The following SLC14A2 variants were observed in gnomAD, a reference collection of about 807,000 sequenced individuals.
The protein encoded by SLC14A2 is urea transporter 2.
A neutral mutation model predicts 104.6 loss-of-function variants in SLC14A2; 91 were observed. The ratio of observed to expected loss-of-function variants is 0.87; its 90% CI spans 0.73 to 1.04. The LOEUF (loss-of-function observed/expected upper bound fraction) is 1.04, where lower values mean the gene tolerates loss of function less well. SLC14A2 is among the 50% of genes least tolerant of loss of function. SLC14A2 has a pLI of 0.00. For missense variants in SLC14A2, 1,189 were observed against 1,156.0 expected (o/e 1.03, Z -0.41); for synonymous variants, 476 against 466.4 (o/e 1.02, Z -0.27).
In SLC14A2 at chr18:45,577,988, C is replaced by T. The variant is rs530690459; in HGVS notation, c.-34-46643C>T. Among the ~76,000 whole-genome samples the T allele has an allele frequency of 3.9e-5, 6 of 152,300 alleles. No homozygotes were observed. The East Asian group carries it at 7.7e-4, about 20-fold the overall frequency. On this transcript the variant is annotated intron_variant, in intron 2 of 20. Transcript: ENST00000586448. ...CATAGAGGCAGCTCACAATCCACTT[C>T]CATGGATAACTCACTCCATTCCAAG... is the stretch of plus-strand genomic sequence containing the variant.
At chr18:45,467,516 C>T (rs2087166512) in intron 1 of SLC14A2, among the ~76,000 whole-genome samples, 1 of 152,172 alleles carries the variant, frequency 6.6e-6, no homozygotes, top group African/African-American at 2.4e-5. Context: ...GGTCACGTGC[C>T]CATCTCTTCT....
At position 45,338,465 on chromosome 18, in the gene SLC14A2, T is replaced by A. The variant is rs151003490; in HGVS notation, c.-125+125274T>A. Among the ~76,000 whole-genome samples, 133 of 152,204 alleles carry A rather than the reference T, an allele frequency of 8.7e-4. 4 individuals are homozygous for A. The East Asian group carries it at 0.023, about 26-fold the overall frequency. ...ATCCGCCCGCCTCTGCCTCCCAAAGTGTTGGGATTACAGGTGTGAACCACT... is the reference window on the plus strand; with the variant it reads ...ATCCGCCCGCCTCTGCCTCCCAAAGAGTTGGGATTACAGGTGTGAACCACT... On this transcript the variant is annotated intron_variant, in intron 1 of 20. Transcript: ENST00000586448.
At chr18:45,444,129 T>C (rs1273851729) in intron 1 of SLC14A2, among the ~76,000 whole-genome samples, 1 of 152,230 alleles carries the variant, frequency 6.6e-6, no homozygotes, top group Admixed American at 6.5e-5. Context: ...CAGCAATGTA[T>C]CTGAAGGCAG....
intron 2 of SLC14A2, among the ~76,000 whole-genome samples, chr18:45,602,442 G>A (rs908346835): frequency 6.6e-6 from 1 of 152,172 alleles, no homozygotes; most frequent in Admixed American, 6.5e-5. Context: ...AAAGATTACA[G>A]AAAACTGAAA....
chr18:45,214,675 C>T (rs2083992095), intron 1 of SLC14A2, among the ~76,000 whole-genome samples: 1 of 152,076 alleles, frequency 6.6e-6, no homozygotes, highest in Non-Finnish European at 1.5e-5. Flanking sequence ...ACTCAGACAG[C>T]TCTCTCATAT....
upstream of SLC14A2, among the ~76,000 whole-genome samples, chr18:45,612,930 C>T (rs1441496368): frequency 6.6e-6 from 1 of 152,210 alleles, no homozygotes; most frequent in Non-Finnish European, 1.5e-5. Flanking sequence ...GTTTGCTTCC[C>T]CTTCTTCTGC....
chr18:45,433,367 C>T (rs908185888), intron 1 of SLC14A2, among the ~76,000 whole-genome samples: 2 of 152,182 alleles, frequency 1.3e-5, no homozygotes, highest in African/African-American at 4.8e-5. Context: ...TTGCCTACGT[C>T]CACTCTTCCC....
At chr18:45,240,781 C>A (rs2084307323) in intron 1 of SLC14A2, among the ~76,000 whole-genome samples, 1 of 151,898 alleles carries the variant, frequency 6.6e-6, no homozygotes, top group South Asian at 2.1e-4. Flanking sequence ...CCTCAGCCTG[C>A]CGAGTAGCTG....
intron 10 of SLC14A2, among the ~76,000 whole-genome samples, chr18:45,660,452 T>C (rs145445517): frequency 1.9e-4 from 29 of 152,356 alleles, no homozygotes; most frequent in Admixed American, 3.3e-4. Flanking sequence ...TTCACACATT[T>C]GAACACTGCA....
intron 2 of SLC14A2, among the ~76,000 whole-genome samples, chr18:45,520,257 T>C (rs1036806459): frequency 7.9e-5 from 12 of 152,216 alleles, no homozygotes; most frequent in Admixed American, 3.9e-4. Context: ...CATCATCAAA[T>C]AGATATTGAG....
At chr18:45,322,233 A>G (rs2085192392) in intron 1 of SLC14A2, among the ~76,000 whole-genome samples, 1 of 152,234 alleles carries the variant, frequency 6.6e-6, no homozygotes, top group South Asian at 2.1e-4. Context: ...AATAAATTAT[A>G]TAACTTAGTG....
intron 1 of SLC14A2, among the ~76,000 whole-genome samples, chr18:45,419,990 A>G (rs1372061953): frequency 2.6e-5 from 4 of 152,208 alleles, no homozygotes; most frequent in Admixed American, 6.5e-5. Context: ...ATGGCTTAAA[A>G]CAACAATAGT....
chr18:45,348,866 A>C (rs530725607), intron 1 of SLC14A2, among the ~76,000 whole-genome samples: 8 of 152,236 alleles, frequency 5.3e-5, no homozygotes, highest in Non-Finnish European at 1.2e-4. Context: ...TTTTCTTTGC[A>C]TGCAGACCAG....
Position 45,617,694 on chromosome 18 carries a change from G to A in SLC14A2, c.-35+2112G>A, listed in dbSNP as rs2045094967. Among the ~76,000 whole-genome samples, 4 of 152,198 alleles carry A rather than the reference G, an allele frequency of 2.6e-5. 1 individual carries two copies. The South Asian group carries it at 8.3e-4, about 32-fold the overall frequency. On this transcript the variant is annotated intron_variant, in intron 1 of 19. Transcript: ENST00000255226. ...CCTGATGTGTGATCCACCAGTCCAG[G>A]GGCCTCATCTGTCCCCATTCTGGCA...
intron 2 of SLC14A2, among the ~76,000 whole-genome samples, chr18:45,575,069 C>A (rs1355766556): frequency 6.6e-6 from 1 of 152,142 alleles, no homozygotes; most frequent in African/African-American, 2.4e-5. Flanking sequence ...TCCCAGGTAA[C>A]CCTAGTGAGG....
chr18:45,287,440 A>G (rs1345404749), intron 1 of SLC14A2, among the ~76,000 whole-genome samples: 1 of 152,234 alleles, frequency 6.6e-6, no homozygotes, highest in Non-Finnish European at 1.5e-5. Flanking sequence ...GCAGGCCTTC[A>G]TGTGAAGAGC....
rs202036727 is a variant in SLC14A2, at chr18:45,632,374, T to C, written c.546T>C (p.His182=). 1.5e-5 allele frequency: 25 copies of C among 1,613,680 alleles called. No individual in the cohort carries two copies. The African/African-American group carries it at 2.1e-4, about 14-fold the overall frequency. Residue 182 remains histidine (H), a synonymous_variant, in exon 5 of 20, where the codon CAT becomes CAC. Transcript: ENST00000255226. ...QDRSAIASGL[H]GYNGMLVGLL... ...GGTCTGCCATTGCCTCAGGACTCCA[T>C]GGGTACAACGGGATGCTGGTGGGAC...
intron 1 of SLC14A2, among the ~76,000 whole-genome samples, chr18:45,617,484 C>G (rs1320886829): frequency 6.6e-6 from 1 of 152,050 alleles, no homozygotes; most frequent in Non-Finnish European, 1.5e-5. Context: ...CAGCCCAGAT[C>G]AGACTTACTA....
At chr18:45,632,522 C>A (rs765361600) in intron 5 of SLC14A2, 44 bp downstream of exon 5, 1 of 1,603,546 alleles carries the variant, frequency 6.2e-7, no homozygotes, top group Non-Finnish European at 8.5e-7. Context: ...ATGGGGCCCC[C>A]AAGACACTTG....
Sources: gnomAD v4.1 joint callset for allele counts (sites outside exome capture counted in the v4.1 genomes callset) on GRCh38, gnomAD v4.1.1 for gene constraint, MANE v1.5 for transcripts, NCBI Gene and HGNC (gene_info 2026-07-23, HGNC 2026-07-21) for gene names.